Variants in TBC1D30 observed in about 807,000 individuals in gnomAD.
TBC1D30 encodes the protein TBC1 domain family member 30.
In TBC1D30, 31 loss-of-function variants were observed where a neutral mutation model predicts 63.2. The ratio of observed to expected loss-of-function variants is 0.49; its 90% confidence interval spans 0.37 to 0.66. TBC1D30 has a LOEUF of 0.66. Ranked by LOEUF, TBC1D30 falls within the 30% of genes least tolerant of loss-of-function variation. TBC1D30 has a pLI of 0.00. For missense variants in TBC1D30, 810 were observed against 953.6 expected, an observed-to-expected ratio of 0.85 and a Z score of 1.98; for synonymous variants, 307 against 361.5, an observed-to-expected ratio of 0.85 and a Z score of 1.71.
At chr12:64,825,182 G>T in intron 1 of TBC1D30, 149 bp downstream of exon 1, 1 of 1,226,480 alleles carries the variant, frequency 8.2e-7, no homozygotes, top group Non-Finnish European at 1.1e-6. Flanking sequence ...GCACCTGCAG[G>T]GAGCGATTGG....
At chr12:64,817,920 G>A (rs558747939) in intron 2 of TBC1D30, among the ~76,000 whole-genome samples, 2 of 152,032 alleles carry the variant, frequency 1.3e-5, no homozygotes, top group African/African-American at 2.4e-5. Context: ...AAAATTAGCC[G>A]GGCATGGTGG....
At chr12:64,790,564 GAAC>G (rs1392387831) in intron 2 of TBC1D30, among the ~76,000 whole-genome samples, 1 of 152,076 alleles carries the variant, frequency 6.6e-6, no homozygotes, top group Non-Finnish European at 1.5e-5. Flanking sequence ...AAAAAAACAT[GAAC>G]AAAATGTGAA....
At chr12:64,856,149 G>A (rs1877277941) in intron 8 of TBC1D30, among the ~76,000 whole-genome samples, 1 of 148,918 alleles carries the variant, frequency 6.7e-6, no homozygotes, top group East Asian at 2.0e-4. Context: ...AGAGCAGGAG[G>A]AAGAGAGAGT....
At chr12:64,771,030 A>G (rs1351651456) in intron 1 of TBC1D30, among the ~76,000 whole-genome samples, 2 of 152,058 alleles carry the variant, frequency 1.3e-5, no homozygotes, top group Non-Finnish European at 2.9e-5. Flanking sequence ...AAATTTAAAA[A>G]CAAAATTGTT....
At chr12:64,861,398 A>T (rs1565684213) in intron 8 of TBC1D30, among the ~76,000 whole-genome samples, 1 of 151,414 alleles carries the variant, frequency 6.6e-6, no homozygotes, top group Non-Finnish European at 1.5e-5. Flanking sequence ...ATATTCATTC[A>T]TTTTTTTTTA....
chr12:64,785,900 G>A (rs1045572735), exon 2 of TBC1D30: 31 of 1,289,438 alleles, frequency 2.4e-5, no homozygotes, highest in Middle Eastern at 2.1e-4. Flanking sequence ...AACTGAAGAC[G>A]ATCCTTCGAG....
exon 1 of TBC1D30, chr12:64,780,866 C>CGCG: frequency 6.9e-6 from 7 of 1,012,156 alleles, no homozygotes; most frequent in Non-Finnish European, 8.3e-6. Flanking sequence ...GCTGGAATTC[C>CGCG]GCGGCGGCGG....
chr12:64,851,866 G>A (rs796141686), intron 8 of TBC1D30, among the ~76,000 whole-genome samples: 4 of 152,310 alleles, frequency 2.6e-5, no homozygotes, highest in African/African-American at 9.6e-5. Context: ...TTTCTGGCTT[G>A]TAGGGTTTCT....
chr12:64,770,035 T>C (rs1870849940), intron 1 of TBC1D30, among the ~76,000 whole-genome samples: 1 of 152,232 alleles, frequency 6.6e-6, no homozygotes, highest in South Asian at 2.1e-4. Flanking sequence ...AAAGTGCTTA[T>C]TTATACATTC....
intron 8 of TBC1D30, among the ~76,000 whole-genome samples, chr12:64,850,478 A>G (rs1395033796): frequency 6.6e-6 from 1 of 152,204 alleles, no homozygotes; most frequent in African/African-American, 2.4e-5. Flanking sequence ...GAGTGTTTTT[A>G]GCATGGAGCG....
At chr12:64,766,173 C>T (rs76013300) in intron 1 of TBC1D30, among the ~76,000 whole-genome samples, 13,498 of 151,860 alleles carry the variant, frequency 0.089, 810 homozygotes, top group Middle Eastern at 0.14. Context: ...GAGAAAAAAA[C>T]GAAAATAAAA....
intron 2 of TBC1D30, among the ~76,000 whole-genome samples, chr12:64,799,960 G>C (rs1028276529): frequency 2.0e-5 from 3 of 152,184 alleles, no homozygotes; most frequent in Non-Finnish European, 2.9e-5. Flanking sequence ...CAAAAAATTA[G>C]CTGGGCGTAG....
chr12:64,780,651 C>T (rs1326007177), exon 1 of TBC1D30, among the ~76,000 whole-genome samples: 1 of 152,102 alleles, frequency 6.6e-6, no homozygotes, highest in Non-Finnish European at 1.5e-5. Context: ...CAGGTGCCGG[C>T]TCGGGGGAGG....
chr12:64,785,397 C>T (rs1309829352), intron 1 of TBC1D30, among the ~76,000 whole-genome samples: 1 of 151,952 alleles, frequency 6.6e-6, no homozygotes, highest in East Asian at 1.9e-4. Flanking sequence ...ATCTGCCCTC[C>T]TTGGCCTCCC....
Position 64,832,865 on chromosome 12 carries a change from A to G in TBC1D30, c.594+561A>G, listed in dbSNP as rs1026979521. On this transcript the variant is annotated intron_variant, in intron 5 of 11. Transcript: ENST00000539867. ...TAGTTCCTTGCCATGTAGCCTCTCC[A>G]TCTCTCAACCCAGTGGCTGGCACCC... is the stretch of plus-strand genomic sequence containing the variant. Among the ~76,000 whole-genome samples the G allele has an allele frequency of 2.0e-5, 3 of 152,328 alleles. 1 individual carries two copies. Among genetic ancestry groups the G allele is most frequent in the Middle Eastern group, 6.8e-3 (2 of 294 alleles).
chr12:64,816,517 G>C (rs977237265), intron 2 of TBC1D30, among the ~76,000 whole-genome samples: 1 of 152,190 alleles, frequency 6.6e-6, no homozygotes, highest in Non-Finnish European at 1.5e-5. Context: ...AATTCTAATA[G>C]AGTAATAAGA....
chr12:64,795,244 A>T (rs1263503517), intron 2 of TBC1D30, among the ~76,000 whole-genome samples: 2 of 152,068 alleles, frequency 1.3e-5, no homozygotes, highest in South Asian at 2.1e-4. Context: ...GAGTCTTCTG[A>T]TCTCCTGCTC....
chr12:64,797,237 G>C (rs982313610), intron 2 of TBC1D30, among the ~76,000 whole-genome samples: 24 of 152,046 alleles, frequency 1.6e-4, no homozygotes, highest in Non-Finnish European at 2.8e-4. Context: ...GGGAACTGTT[G>C]GACTGTTTCC....
chr12:64,858,359 C>T (rs993279431), intron 8 of TBC1D30, among the ~76,000 whole-genome samples: 1 of 152,116 alleles, frequency 6.6e-6, no homozygotes, highest in Non-Finnish European at 1.5e-5. Flanking sequence ...AGTCTTTTAC[C>T]GTAGCCACTA....
Sources: allele counts gnomAD v4.1 joint callset (sites outside exome capture counted in the v4.1 genomes callset), GRCh38; gene constraint gnomAD v4.1.1; transcripts MANE v1.5; gene names NCBI Gene and HGNC (gene_info 2026-07-23, HGNC 2026-07-21).